AGMO: variants seen among roughly 807,000 people sequenced by gnomAD.
The protein encoded by AGMO is glyceryl-ether monooxygenase.
AGMO carries 75 observed loss-of-function variants against 60.2 expected under a neutral mutation model. That is an observed-to-expected ratio of 1.25 (90% CI 1.03 to 1.51). The LOEUF is 1.51. AGMO is among the 40% of genes most tolerant of loss of function. The pLI, the probability that AGMO is intolerant of heterozygous loss-of-function variation, is 0.00. For missense variants in AGMO, 763 were observed against 525.5 expected (o/e 1.45, Z -4.42); for synonymous variants, 261 against 177.1 (o/e 1.47, Z -3.76).
intron 3 of AGMO, among the ~76,000 whole-genome samples, chr7:15,446,457 T>A (rs1429008450): frequency 6.6e-6 from 1 of 152,326 alleles, no homozygotes; most frequent in African/African-American, 2.4e-5. Flanking sequence ...CCTACAATGA[T>A]GTCACATTTG....
intron 12 of AGMO, among the ~76,000 whole-genome samples, chr7:15,219,506 A>G (rs575061916): frequency 6.6e-6 from 1 of 152,194 alleles, no homozygotes; most frequent in South Asian, 2.1e-4. Context: ...TTTTTTTTTA[A>G]AAGAAATTAA....
intron 12 of AGMO, among the ~76,000 whole-genome samples, chr7:15,227,886 T>G (rs1332024631): frequency 6.6e-6 from 1 of 152,092 alleles, no homozygotes; most frequent in Non-Finnish European, 1.5e-5. Flanking sequence ...TAGGTCAACT[T>G]AGAATACAAA....
chr7:15,141,858 A>C, the AGMO span, among the ~76,000 whole-genome samples: 1 of 152,204 alleles, frequency 6.6e-6, no homozygotes, highest in Non-Finnish European at 1.5e-5. Flanking sequence ...GTAAATGCCT[A>C]GAACTGAGCT....
chr7:15,186,348 C>A, the AGMO span, among the ~76,000 whole-genome samples: 1 of 152,188 alleles, frequency 6.6e-6, no homozygotes, highest in Non-Finnish European at 1.5e-5. Context: ...TTGCATATTA[C>A]TTTCTAATGA....
At chr7:15,239,987 T>C (rs986881042) in intron 12 of AGMO, among the ~76,000 whole-genome samples, 1 of 152,148 alleles carries the variant, frequency 6.6e-6, no homozygotes, top group Admixed American at 6.5e-5. Flanking sequence ...GCTTTATCTT[T>C]TGTCATTGTT....
intron 6 of AGMO, among the ~76,000 whole-genome samples, chr7:15,392,732 G>A (rs925587261): frequency 2.0e-5 from 3 of 152,098 alleles, no homozygotes; most frequent in African/African-American, 7.2e-5. Flanking sequence ...CCGGTAGGCG[G>A]ATGTTGCAGT....
At chr7:15,394,059 T>C in intron 6 of AGMO, 54 bp downstream of exon 6, 12 of 1,324,738 alleles carry the variant, frequency 9.1e-6, no homozygotes, top group Non-Finnish European at 1.2e-5. Flanking sequence ...AGGAAAATAA[T>C]AATGCAATTT....
intron 3 of AGMO, among the ~76,000 whole-genome samples, chr7:15,458,959 A>C (rs998555357): frequency 6.6e-6 from 1 of 152,172 alleles, no homozygotes; most frequent in African/African-American, 2.4e-5. Context: ...ATACAAAATT[A>C]CCTTTTTTTC....
chr7:15,417,683 A>G (rs548381324), intron 5 of AGMO, among the ~76,000 whole-genome samples: 1 of 152,330 alleles, frequency 6.6e-6, no homozygotes, highest in Non-Finnish European at 1.5e-5. Context: ...TCACGGTAAC[A>G]GTCTCTTTAT....
At position 15,366,015 on chromosome 7, in the gene AGMO, A is replaced by C. The variant is rs984408962; in HGVS notation, c.1157+125T>G. Reference sequence around the variant, plus strand: ...CTTCTCTAAAATAATGAGAAGTCAAATACCAAAATTTTATATTTATTTTTA... The same window carrying C: ...CTTCTCTAAAATAATGAGAAGTCAACTACCAAAATTTTATATTTATTTTTA... On this transcript the variant is annotated intron_variant, in intron 11 of 12. Transcript: ENST00000342526. 1.0e-5 allele frequency: 7 copies of C among 673,682 alleles called. No homozygotes were observed. In the East Asian group the frequency reaches 2.0e-4, roughly 20 times the overall value. The allele number at this position is 673,682 out of a possible 1,614,324, so 41.7% of individuals were successfully genotyped here. A position where few individuals can be genotyped will look rare whatever the true frequency, so the allele number is the denominator to read the frequency against.
chr7:15,413,369 T>C (rs11505400), intron 5 of AGMO, among the ~76,000 whole-genome samples: 102 of 152,272 alleles, frequency 6.7e-4, no homozygotes, highest in African/African-American at 2.4e-3. Context: ...ACACATGTAA[T>C]TGATGTTCCC....
intron 6 of AGMO, among the ~76,000 whole-genome samples, chr7:15,392,172 C>T (rs1011495284): frequency 2.0e-5 from 3 of 152,012 alleles, no homozygotes; most frequent in Non-Finnish European, 4.4e-5. Context: ...CGGGTTCACG[C>T]CATTCTCCTG....
chr7:15,378,286 G>T (rs1028061723), intron 10 of AGMO, among the ~76,000 whole-genome samples: 1 of 151,938 alleles, frequency 6.6e-6, no homozygotes, highest in Admixed American at 6.6e-5. Context: ...GAATAATTTG[G>T]TTACTAACTT....
chr7:15,469,476 G>C (rs1451710921), intron 3 of AGMO, among the ~76,000 whole-genome samples: 1 of 152,132 alleles, frequency 6.6e-6, no homozygotes, highest in Non-Finnish European at 1.5e-5. Context: ...AGGAGTCAGA[G>C]ACACACATGG....
chr7:15,144,882 T>C, the AGMO span, among the ~76,000 whole-genome samples: 4 of 152,204 alleles, frequency 2.6e-5, no homozygotes, highest in Non-Finnish European at 4.4e-5. Context: ...CAGGCTGGAG[T>C]GCAGTGGTGC....
chr7:15,295,857 T>C (rs1397562265), intron 12 of AGMO, among the ~76,000 whole-genome samples: 1 of 152,106 alleles, frequency 6.6e-6, no homozygotes, highest in East Asian at 1.9e-4. Context: ...TTAATAAATT[T>C]GGAATTGGGA....
At chr7:15,202,458 C>CAACAAAA (rs1781317347) in intron 12 of AGMO, among the ~76,000 whole-genome samples, 1 of 45,358 alleles carries the variant, frequency 2.2e-5, no homozygotes, top group Admixed American at 3.1e-4. Flanking sequence ...TACAAATGAG[C>CAACAAAA]AAAAAAAAAA....
intron 3 of AGMO, among the ~76,000 whole-genome samples, chr7:15,446,866 A>G (rs1188630269): frequency 6.6e-6 from 1 of 152,098 alleles, no homozygotes; most frequent in Non-Finnish European, 1.5e-5. Context: ...AGGAAGTGCA[A>G]ACTGTTCAGG....
At chr7:15,534,176 C>A (rs184322522) in intron 3 of AGMO, among the ~76,000 whole-genome samples, 1 of 151,042 alleles carries the variant, frequency 6.6e-6, no homozygotes, top group Admixed American at 6.6e-5. Flanking sequence ...CCTAGGTTCT[C>A]GAAAAGACAT....
Sources: gnomAD v4.1 joint callset for allele counts (sites outside exome capture counted in the v4.1 genomes callset) on GRCh38, gnomAD v4.1.1 for gene constraint, MANE v1.5 for transcripts, NCBI Gene and HGNC (gene_info 2026-07-23, HGNC 2026-07-21) for gene names.